The following COL1A1 variants were observed in gnomAD, a reference collection of about 807,000 sequenced individuals.
COL1A1 encodes collagen alpha-1(I) chain.
COL1A1 carries 21 observed loss-of-function variants against 195.7 expected under a neutral mutation model. The observed-to-expected ratio is 0.11, with a 90% CI of 0.08 to 0.15. The LOEUF (loss-of-function observed/expected upper bound fraction) is 0.15, where lower values mean the gene tolerates loss of function less well. Among genes scored for constraint, COL1A1 ranks in the 10% least tolerant of loss-of-function variants. The probability of loss-of-function intolerance (pLI) is 1.00; values close to 1 mark genes in which losing one functional copy is unlikely to be tolerated. For missense variants in COL1A1, 1,365 were observed against 2,051.0 expected (o/e 0.67, Z 6.46); for synonymous variants, 749 against 747.3 (o/e 1.00, Z -0.04).
In COL1A1 at chr17:50,186,031, G is replaced by A. The variant is rs375650769; in HGVS notation, c.4006-11C>T. On this transcript the variant is annotated splice_polypyrimidine_tract_variant and intron_variant, in intron 49 of 50. Coordinates refer to ENST00000225964, the MANE Select transcript of COL1A1 (RefSeq NM_000088.4). This position sits in a 1 kb window ranked among gnomAD's most constrained non-coding sequence, Gnocchi z 5.3. The stretch of plus-strand genomic sequence containing the variant: ...GCCGCCATACTCGAACTGCAGGGGA[G>A]GGGAGAGAGGGAAGAGTGAGCCGCT... 1 of 1,611,876 alleles carries A rather than the reference G, an allele frequency of 6.2e-7. No individual in the cohort carries two copies. Among genetic ancestry groups the A allele is most frequent in the Non-Finnish European group, 8.5e-7 (1 of 1,179,904 alleles).
rs1047317653 is a variant in COL1A1, at chr17:50,199,259, G to A, written c.438C>T (p.Pro146=). The change falls in exon 5 of 51, where the codon CCC becomes CCT. Residue 146 remains proline, a synonymous_variant. Coordinates refer to ENST00000225964, the MANE Select transcript of COL1A1 (RefSeq NM_000088.4). ...GGCCAGGGGGTCCGGGAGGTCCGGG[G>A]GGTCCGGGGGGTCCGGGAAGTCCAG... ...GQPGLPGPPG[P]PGPPGPPGLG... 8 of 1,487,488 alleles carry A rather than the reference G, an allele frequency of 5.4e-6. No homozygotes were observed. Among genetic ancestry groups the A allele is most frequent in the Non-Finnish European group, 7.2e-6 (8 of 1,111,960 alleles). 92.1% of individuals were successfully genotyped at this position (1,487,488 alleles called of 1,614,324 possible).
At chr17:50,192,050 A>G (rs772890478) in intron 29 of COL1A1, 26 bp from the exon 30 acceptor site, 5 of 1,609,430 alleles carry the variant, frequency 3.1e-6, no homozygotes, top group Non-Finnish European at 3.4e-6. Context: ...AGAGGAACAG[A>G]CAGTGAGCAA....
rs72653173 is a variant in COL1A1 at position 50,188,765 on chromosome 17, G to T, written c.3076C>A (p.Arg1026=). The T allele has an allele frequency of 3.1e-6, 5 of 1,614,066 alleles. No individual in the cohort carries two copies. The highest frequency in any genetic ancestry group is 4.2e-6 in the Non-Finnish European group (5 of 1,179,978). The change falls in exon 42 of 51, where the codon CGA becomes AGA. Residue 1026 remains arginine (R), a synonymous_variant. Coordinates refer to ENST00000225964, the MANE Select transcript of COL1A1 (RefSeq NM_000088.4). This position sits in a 1 kb window ranked among gnomAD's most constrained non-coding sequence, Gnocchi z 5.6. ...GAPGAEGSPG[R]DGSPGAKGDR... Reference sequence around the variant, plus strand: ...ACCTTGGCGCCAGGAGAACCGTCTCGTCCAGGGGAACCTTCGGCACCAGGA... The same window carrying T: ...ACCTTGGCGCCAGGAGAACCGTCTCTTCCAGGGGAACCTTCGGCACCAGGA...
At chr17:50,200,104 T>A in intron 1 of COL1A1, 157 bp from the exon 2 acceptor site, 1 of 811,516 alleles carries the variant, frequency 1.2e-6, no homozygotes, top group Non-Finnish European at 2.1e-6. Context: ...CTGCTCCTCA[T>A]CAGCGCGGGT....
chr17:50,191,796 C>A lies in COL1A1; in HGVS notation c.2119G>T (p.Gly707Cys). 1 of 1,584,608 alleles carries A rather than the reference C, an allele frequency of 6.3e-7. No homozygotes were observed. Among genetic ancestry groups the A allele is most frequent in the Non-Finnish European group, 8.6e-7 (1 of 1,164,158 alleles). ...RGANGAPGND[G>C]AKGDAGAPGA... is the part of the protein sequence containing the mutation. ...TTCCACGCTGCCCTCACCTTAGCAC[C>A]ATCGTTGCCGGGAGCACCGTTGGCC... Residue 707 changes from glycine to cysteine, a missense_variant, in exon 31 of 51, where the codon GGT (glycine) becomes TGT (cysteine). By Grantham distance (159) the Gly-to-Cys change is radical. Coordinates refer to ENST00000225964, the MANE Select transcript of COL1A1 (RefSeq NM_000088.4).
intron 31 of COL1A1, 37 bp from the exon 32 acceptor site, chr17:50,191,527 G>A (rs752186435): frequency 3.1e-6 from 5 of 1,598,568 alleles, no homozygotes; most frequent in Non-Finnish European, 4.3e-6. Flanking sequence ...TGAGGCCTGG[G>A]GCCCCAAGAG....
In COL1A1 at chr17:50,189,397, G is replaced by A. The variant is rs1906864847; in HGVS notation, c.2809C>T (p.Pro937Ser). 1.2e-6 allele frequency: 2 copies of A among 1,613,706 alleles called. No individual in the cohort carries two copies. Among genetic ancestry groups the A allele is most frequent in the Non-Finnish European group, 1.7e-6 (2 of 1,179,972 alleles). The change falls in exon 39 of 51, where the codon CCT becomes TCT. Residue 937 changes from proline to serine, a missense_variant. Transcript: ENST00000225964. The surrounding 1 kb of genome is among the most constrained non-coding windows in gnomAD (Gnocchi z 5.5). ...CTTACAGCAGGACCATCAGCACCAG[G>A]GGATCCTTTCTCGCCAGCAGGGCCA... Reference protein sequence around the residue: ...PPGPAGEKGSPGADGPAGAPG... With the variant: ...PPGPAGEKGSSGADGPAGAPG...
Position 50,195,378 on chromosome 17 carries a change from G to A in COL1A1, c.1201-48C>T. 6.2e-7 allele frequency: 1 copy of A among 1,613,780 alleles called. No individual in the cohort carries two copies. Among genetic ancestry groups the A allele is most frequent in the Non-Finnish European group, 8.5e-7 (1 of 1,179,680 alleles). ...GCGTGAGCCTAGGAGCAGAGGGAAA[G>A]GGGCAGGCAGGCTGCAGGCGGCAGG... On this transcript the variant is annotated intron_variant, in intron 18 of 50. Transcript: ENST00000225964. This position sits in a 1 kb window ranked among gnomAD's most constrained non-coding sequence, Gnocchi z 4.3.
rs1361754535 is a variant in COL1A1 at position 50,185,792 on chromosome 17, C to G, written c.4234G>C (p.Val1412Leu). 1.2e-6 allele frequency: 2 copies of G among 1,613,832 alleles called. No homozygotes were observed. The highest frequency in any genetic ancestry group is 1.7e-6 in the Non-Finnish European group (2 of 1,180,024). Reference protein sequence around the residue: ...GNSRFTYSVTVDGCTSHTGAW... With the variant: ...GNSRFTYSVTLDGCTSHTGAW... The stretch of plus-strand genomic sequence containing the variant: ...TGGGCACTCACCGTGCAGCCATCGA[C>G]AGTGACGCTGTAGGTGAAGCGGCTG... Residue 1412 changes from valine (V) to leucine (L), a missense_variant, in exon 50 of 51, where the codon GTC becomes CTC. Around this residue, in one of 5 missense-constraint regions of COL1A1, gnomAD observed 273 missense variants for 338.6 expected, o/e 0.81. Transcript: ENST00000225964.
chr17:50,195,614 G>A lies in COL1A1; in HGVS notation c.1108C>T (p.Arg370Cys), dbSNP rs758897245. Residue 370 changes from arginine to cysteine, a missense_variant, in exon 17 of 51, where the codon CGT becomes TGT. Coordinates refer to ENST00000225964, the MANE Select transcript of COL1A1 (RefSeq NM_000088.4). The surrounding 1 kb of genome is among the most constrained non-coding windows in gnomAD (Gnocchi z 4.3). The stretch of plus-strand genomic sequence containing the variant: ...GGGCCAGGGGGGCCAGGCTCACCAC[G>A]CACACCCTGGGGACCTTCAGAGCCT... ...PRGSEGPQGV[R>C]GEPGPPGPAG... 8 of 1,613,822 alleles carry A rather than the reference G, an allele frequency of 5.0e-6. No homozygotes were observed. The highest frequency in any genetic ancestry group is 2.7e-5 in the African/African-American group (2 of 74,938).
In COL1A1 at chr17:50,186,602, G is replaced by A; in HGVS notation, c.3814+38C>T. On this transcript the variant is annotated intron_variant, in intron 48 of 50. Transcript: ENST00000225964. This position sits in a 1 kb window ranked among gnomAD's most constrained non-coding sequence, Gnocchi z 5.3. ...TGGGCATGGGGACCCTGGCATGGCAGGAGTAGGAGGGAGGGAGAGGCTAGG... is the reference window on the plus strand; with the variant it reads ...TGGGCATGGGGACCCTGGCATGGCAAGAGTAGGAGGGAGGGAGAGGCTAGG... 1.9e-6 allele frequency: 3 copies of A among 1,613,510 alleles called. No homozygotes were observed. The highest frequency in any genetic ancestry group is 2.5e-6 in the Non-Finnish European group (3 of 1,179,960).
chr17:50,200,723 C>G (rs1029097871), intron 1 of COL1A1, among the ~76,000 whole-genome samples: 8 of 152,230 alleles, frequency 5.3e-5, no homozygotes, highest in African/African-American at 1.9e-4. Context: ...ACCTCACCGG[C>G]CCGACTACCT....
rs1363631858 is a variant in COL1A1, at chr17:50,185,474, G to A, written c.*28C>T. 1 of 1,613,402 alleles carries A rather than the reference G, an allele frequency of 6.2e-7. No homozygotes were observed. Among genetic ancestry groups the A allele is most frequent in the Non-Finnish European group, 8.5e-7 (1 of 1,179,866 alleles). ...GTTGGGGGGAAAGTTGGTTGGGTGG[G>A]AGGGAGCCAGGTTGGGATGGAGGGA... is the stretch of plus-strand genomic sequence containing the variant. On this transcript the variant is annotated 3_prime_UTR_variant, in exon 51 of 51. Coordinates refer to ENST00000225964, the MANE Select transcript of COL1A1 (RefSeq NM_000088.4).
chr17:50,187,789 A>T, intron 45 of COL1A1, 87 bp downstream of exon 45: 1 of 1,276,090 alleles, frequency 7.8e-7, no homozygotes, highest in Non-Finnish European at 1.1e-6. Context: ...GGAAAGAATG[A>T]CTATCCAGAG....
In COL1A1 at chr17:50,189,174, G is replaced by C. The variant is rs374615784; in HGVS notation, c.2931C>G (p.Gly977=). The part of the protein sequence containing the change: ...RGERGFPGLP[G]PSGEPGKQGP... ...AGGTGAGGGGGGCACTTACAGAGGG[G>C]CCAGGAAGACCAGGGAAGCCTCTCT... Residue 977 remains glycine (G), a synonymous_variant, in exon 40 of 51, where the codon GGC becomes GGG. Transcript: ENST00000225964. This position sits in a 1 kb window ranked among gnomAD's most constrained non-coding sequence, Gnocchi z 5.5. The C allele has an allele frequency of 1.2e-6, 2 of 1,613,678 alleles. No individual in the cohort carries two copies. The highest frequency in any genetic ancestry group is 2.7e-5 in the African/African-American group (2 of 74,900).
intron 29 of COL1A1, 131 bp from the exon 30 acceptor site, chr17:50,192,155 A>G: frequency 9.8e-7 from 1 of 1,019,154 alleles, no homozygotes; most frequent in Non-Finnish European, 1.5e-6. Flanking sequence ...CTGAATTGAG[A>G]TTATCCCAAA....
chr17:50,194,536 C>A lies in COL1A1; in HGVS notation c.1515+37G>T, dbSNP rs369449685. The stretch of plus-strand genomic sequence containing the variant: ...AAAGAGGAAGAAGATGCCCAGGGAG[C>A]GGCAGGGTCAGCCCCCCGGCCGCAA... On this transcript the variant is annotated intron_variant, in intron 22 of 50. Coordinates refer to ENST00000225964, the MANE Select transcript of COL1A1 (RefSeq NM_000088.4). This position sits in a 1 kb window ranked among gnomAD's most constrained non-coding sequence, Gnocchi z 6.8. The A allele has an allele frequency of 2.5e-6, 4 of 1,609,240 alleles. No homozygotes were observed. The highest frequency in any genetic ancestry group is 3.4e-6 in the Non-Finnish European group (4 of 1,177,714).
chr17:50,190,726 C>A lies in COL1A1; in HGVS notation c.2343+91G>T, dbSNP rs1182715938. 5 of 1,486,056 alleles carry A rather than the reference C, an allele frequency of 3.4e-6. No individual in the cohort carries two copies. The highest frequency in any genetic ancestry group is 4.7e-6 in the Non-Finnish European group (5 of 1,068,014). 92.1% of individuals were successfully genotyped at this position (1,486,056 alleles called of 1,614,324 possible). A position where few individuals can be genotyped will look rare whatever the true frequency, so the allele number is the denominator to read the frequency against. ...GGTTGACAGCTCAGTTTGGCAGGAC[C>A]TGCTCTCCCAACGCAACCCCACGGA... On this transcript the variant is annotated intron_variant, in intron 33 of 50. Transcript: ENST00000225964. This position sits in a 1 kb window ranked among gnomAD's most constrained non-coding sequence, Gnocchi z 4.7.
intron 8 of COL1A1, 73 bp from the exon 9 acceptor site, chr17:50,197,858 G>A: frequency 6.3e-7 from 1 of 1,584,714 alleles, no homozygotes; most frequent in South Asian, 1.1e-5. Context: ...TTGAAGGGAA[G>A]AGGTAAGGAA....
Sources: allele counts gnomAD v4.1 joint callset (sites outside exome capture counted in the v4.1 genomes callset), GRCh38; gene constraint gnomAD v4.1.1; regional missense constraint gnomAD v4.1.1; non-coding constraint Gnocchi (gnomAD v3.1); transcripts MANE v1.5; gene names NCBI Gene and HGNC (gene_info 2026-07-23, HGNC 2026-07-21).